Variants in CCDC15 observed in about 807,000 individuals in gnomAD.
CCDC15 encodes the protein coiled-coil domain-containing protein 15.
Under a neutral mutation model 114.5 loss-of-function variants are expected in CCDC15, and 105 were observed. The ratio of observed to expected loss-of-function variants is 0.92; its 90% CI spans 0.78 to 1.08. The LOEUF (loss-of-function observed/expected upper bound fraction) is 1.08, where lower values mean the gene tolerates loss of function less well. Among genes scored for constraint, CCDC15 ranks in the 50% least tolerant of loss-of-function variants. The pLI, the probability that CCDC15 is intolerant of heterozygous loss-of-function variation, is 0.00. For synonymous variants in CCDC15, 334 were observed against 377.8 expected (o/e 0.88, Z 1.34); for missense variants, 1,105 against 1,093.6 (o/e 1.01, Z -0.15).
chr11:124,995,734 G>A (rs1045385787), intron 11 of CCDC15, among the ~76,000 whole-genome samples: 31 of 152,110 alleles, frequency 2.0e-4, no homozygotes, highest in African/African-American at 6.7e-4. Flanking sequence ...TACTTACTCT[G>A]GACTATTCAA....
At chr11:124,964,051 A>G (rs1445894726) in intron 4 of CCDC15, among the ~76,000 whole-genome samples, 4 of 152,192 alleles carry the variant, frequency 2.6e-5, no homozygotes, top group Non-Finnish European at 5.9e-5. Flanking sequence ...GTAACCTTGT[A>G]ATATAGTTTG....
At chr11:125,011,606 C>A (rs927009356) in intron 13 of CCDC15, among the ~76,000 whole-genome samples, 2 of 152,008 alleles carry the variant, frequency 1.3e-5, no homozygotes, top group African/African-American at 4.8e-5. Context: ...ATGTCAAAGG[C>A]AATATTTATT....
intron 6 of CCDC15, among the ~76,000 whole-genome samples, chr11:124,983,994 C>A (rs1459115712): frequency 2.0e-5 from 3 of 152,202 alleles, no homozygotes; most frequent in Admixed American, 1.3e-4. Flanking sequence ...GGTAGGCGTT[C>A]ATGTGCAGCA....
chr11:124,982,338 T>C (rs1328705155), intron 6 of CCDC15, among the ~76,000 whole-genome samples: 1 of 152,206 alleles, frequency 6.6e-6, no homozygotes, highest in Admixed American at 6.5e-5. Flanking sequence ...CATCATGTTG[T>C]TAGCTGGTTA....
intron 6 of CCDC15, among the ~76,000 whole-genome samples, chr11:124,985,916 CTAA>C (rs2135479961): frequency 6.6e-6 from 1 of 151,982 alleles, no homozygotes; most frequent in East Asian, 1.9e-4. Context: ...GATGAATTAT[CTAA>C]TAATAATTGT....
chr11:124,986,704 C>CAA, intron 6 of CCDC15, 38 bp from the exon 7 acceptor site: 1 of 1,409,776 alleles, frequency 7.1e-7, no homozygotes, highest in Non-Finnish European at 9.4e-7. Flanking sequence ...TGTGTGTGCG[C>CAA]GCGCGCGCGT....
Position 124,986,777 on chromosome 11 carries a change from T to C in CCDC15, c.789T>C (p.Ser263=). ...LDYEEPDYEE[S]SSLVTDEKGK... ...ATGAGGAACCTGACTATGAGGAATC[T>C]TCATCTCTTGTAACTGATGAGAAAG... The change falls in exon 7 of 16, where the codon TCT becomes TCC. Residue 263 remains serine, a synonymous_variant. Coordinates refer to ENST00000344762, the MANE Select transcript of CCDC15 (RefSeq NM_025004.3). 1 of 1,550,560 alleles carries C rather than the reference T, an allele frequency of 6.4e-7. No individual in the cohort carries two copies. Among genetic ancestry groups the C allele is most frequent in the South Asian group, 1.2e-5 (1 of 83,594 alleles).
At chr11:125,023,151 C>T (rs1434371013) in intron 13 of CCDC15, among the ~76,000 whole-genome samples, 1 of 151,910 alleles carries the variant, frequency 6.6e-6, no homozygotes, top group African/African-American at 2.4e-5. Context: ...TTTACATTTA[C>T]TCTGTGATCC....
At chr11:124,978,961 A>G (rs1214077185) in intron 6 of CCDC15, among the ~76,000 whole-genome samples, 1 of 151,802 alleles carries the variant, frequency 6.6e-6, no homozygotes, top group African/African-American at 2.4e-5. Context: ...ATTCATCTTG[A>G]GTTGATTTTT....
At chr11:124,988,618 G>A (rs567687710) in intron 8 of CCDC15, among the ~76,000 whole-genome samples, 1 of 152,274 alleles carries the variant, frequency 6.6e-6, no homozygotes, top group African/African-American at 2.4e-5. Context: ...ATGTGATAAT[G>A]TTTGATAGCA....
intron 11 of CCDC15, among the ~76,000 whole-genome samples, chr11:124,993,720 T>C (rs1190346755): frequency 6.6e-6 from 1 of 152,008 alleles, no homozygotes; most frequent in Non-Finnish European, 1.5e-5. Context: ...AGAAAGCAAA[T>C]TAGAGTTTGA....
chr11:124,975,133 C>T lies in CCDC15; in HGVS notation c.554C>T (p.Ala185Val). Residue 185 changes from alanine to valine, a missense_variant, in exon 5 of 16, where the codon GCA becomes GTA. Transcript: ENST00000344762. Reference protein sequence around the residue: ...ETMKQARHRLASFKTVIKKKG... With the variant: ...ETMKQARHRLVSFKTVIKKKG... ...ATGAAACAGGCACGTCACCGGCTAG[C>T]ATCCTTTAAAACCGTGATTAAAAAA... is the stretch of plus-strand genomic sequence containing the variant. The T allele has an allele frequency of 6.3e-7, 1 of 1,597,822 alleles. No individual in the cohort carries two copies. Among genetic ancestry groups the T allele is most frequent in the South Asian group, 1.1e-5 (1 of 88,650 alleles).
At chr11:125,003,394 T>C (rs1948509214) in intron 11 of CCDC15, among the ~76,000 whole-genome samples, 1 of 151,962 alleles carries the variant, frequency 6.6e-6, no homozygotes. Flanking sequence ...CCAGTAAACA[T>C]GGGTGGAAAT....
chr11:125,005,103 CT>C lies in CCDC15; in HGVS notation c.2308-3del. 1 of 1,358,162 alleles carries C rather than the reference CT, an allele frequency of 7.4e-7. No homozygotes were observed. Among genetic ancestry groups the C allele is most frequent in the Non-Finnish European group, 1.0e-6 (1 of 991,500 alleles). The allele number at this position is 1,358,162 out of a possible 1,614,324, so 84.1% of individuals were successfully genotyped here. ...AATCTTAGTAATTTTAACTTCTTAC[CT>C]TTAGCGTCAAAAGCAGTACCTGAGA... On this transcript the variant is annotated splice_polypyrimidine_tract_variant and splice_region_variant and intron_variant, in intron 12 of 15. Coordinates refer to ENST00000344762, the MANE Select transcript of CCDC15 (RefSeq NM_025004.3).
rs111427033 is a variant in CCDC15 at position 125,016,828 on chromosome 11, G to A, written c.2411+11616G>A. Among the ~76,000 whole-genome samples the A allele has an allele frequency of 2.8e-4, 43 of 152,220 alleles. 1 individual carries two copies. Among genetic ancestry groups the A allele is most frequent in the African/African-American group, 1.0e-3 (42 of 41,542 alleles). Reference sequence around the variant, plus strand: ...GGGAAACTTCTTTAGCAATACTACTGACCTTCTTTGAAAGCTTTTCTGCTA... The same window carrying A: ...GGGAAACTTCTTTAGCAATACTACTAACCTTCTTTGAAAGCTTTTCTGCTA... On this transcript the variant is annotated intron_variant, in intron 13 of 15. Coordinates refer to ENST00000344762, the MANE Select transcript of CCDC15 (RefSeq NM_025004.3).
At position 124,975,150 on chromosome 11, in the gene CCDC15, A is replaced by G; in HGVS notation, c.571A>G (p.Ile191Val). The G allele has an allele frequency of 6.2e-7, 1 of 1,605,598 alleles. No individual in the cohort carries two copies. Among genetic ancestry groups the G allele is most frequent in the Non-Finnish European group, 8.5e-7 (1 of 1,176,690 alleles). Residue 191 changes from isoleucine (I) to valine (V), a missense_variant, in exon 5 of 16, where the codon ATT becomes GTT. Ile to Val is a conservative substitution (Grantham distance 29, BLOSUM62 3). Transcript: ENST00000344762. ...CCGGCTAGCATCCTTTAAAACCGTGATTAAAAAAAAGGGATCAGTGTTTCC... is the reference window on the plus strand; with the variant it reads ...CCGGCTAGCATCCTTTAAAACCGTGGTTAAAAAAAAGGGATCAGTGTTTCC... ...RHRLASFKTV[I>V]KKKGSVFPDD...
Position 124,977,547 on chromosome 11 carries a change from G to A in CCDC15, c.700G>A (p.Val234Ile), listed in dbSNP as rs1403757472. ...AATAAGAGGAGAGTTGCCCATTAAG[G>A]TCCATCAAGGTCTTTTAGCTGCTGT... ...TGIRGELPIK[V>I]HQGLLAAVPY... The change falls in exon 6 of 16, where the codon GTC (valine) becomes ATC (isoleucine). Residue 234 changes from valine (V) to isoleucine (I), a missense_variant. By Grantham distance (29) the Val-to-Ile change is conservative. Transcript: ENST00000344762. The A allele has an allele frequency of 1.9e-6, 3 of 1,609,000 alleles. No homozygotes were observed. The highest frequency in any genetic ancestry group is 2.7e-5 in the African/African-American group (2 of 74,690).
At position 124,987,180 on chromosome 11, in the gene CCDC15, G is replaced by A; in HGVS notation, c.954G>A (p.Lys318=). 6.6e-7 allele frequency: 1 copy of A among 1,521,502 alleles called. No individual in the cohort carries two copies. The highest frequency in any genetic ancestry group is 1.4e-5 in the African/African-American group (1 of 71,808). 94.3% of individuals were successfully genotyped at this position (1,521,502 alleles called of 1,614,324 possible). Residue 318 remains lysine, a synonymous_variant, in exon 8 of 16, where the codon AAG becomes AAA. Coordinates refer to ENST00000344762, the MANE Select transcript of CCDC15 (RefSeq NM_025004.3). ...TTCTGATGGAAGAGGAAGAACAAAA[G>A]CAGTTACATTTTGAGGGCCTTCAGG... The part of the protein sequence containing the change: ...LFVLMEEEEQ[K]QLHFEGLQDI...
Position 124,991,460 on chromosome 11 carries a change from G to A in CCDC15, c.1909-1G>A, listed in dbSNP as rs776622949. ...TAGTTTTTTATTATTTTATCTTTTA[G>A]AAAGTACACTTTAAGGAGCCATACT... On this transcript the variant is annotated splice_acceptor_variant, in intron 8 of 15. Transcript: ENST00000344762. LOFTEE classifies it high-confidence loss of function. The A allele has an allele frequency of 1.3e-5, 20 of 1,516,888 alleles. No homozygotes were observed. The highest frequency in any genetic ancestry group is 1.9e-5 in the Admixed American group (1 of 51,650). The allele number at this position is 1,516,888 out of a possible 1,614,324, so 94.0% of individuals were successfully genotyped here.
Sources: gnomAD v4.1 joint callset for allele counts (sites outside exome capture counted in the v4.1 genomes callset) on GRCh38, gnomAD v4.1.1 for gene constraint, MANE v1.5 for transcripts, NCBI Gene and HGNC (gene_info 2026-07-23, HGNC 2026-07-21) for gene names.